The following TRAPPC9 variants were observed in gnomAD, a reference collection of about 807,000 sequenced individuals.
TRAPPC9 encodes trafficking protein particle complex subunit 9, also known as IKK2 binding protein.
In TRAPPC9, 83 loss-of-function variants were observed where a neutral mutation model predicts 124.0. That is an observed-to-expected ratio of 0.67 (90% CI 0.56 to 0.80). The LOEUF (loss-of-function observed/expected upper bound fraction) is 0.80, where lower values mean the gene tolerates loss of function less well. Ranked by LOEUF, TRAPPC9 falls within the 30% of genes least tolerant of loss-of-function variation. The pLI is 0.00. For missense variants in TRAPPC9, 1,302 were observed against 1,508.3 expected (o/e 0.86, Z 2.27); for synonymous variants, 638 against 617.5 (o/e 1.03, Z -0.49).
chr8:140,319,984 T>C (rs1338766248), intron 9 of TRAPPC9, among the ~76,000 whole-genome samples: 1 of 152,172 alleles, frequency 6.6e-6, no homozygotes, highest in African/African-American at 2.4e-5. Flanking sequence ...TCAGTTATGG[T>C]ACTCTGAACA....
intron 8 of TRAPPC9, among the ~76,000 whole-genome samples, chr8:140,361,304 G>A (rs760999614): frequency 1.3e-4 from 20 of 152,220 alleles, no homozygotes; most frequent in Non-Finnish European, 2.9e-4. Flanking sequence ...CCTCAGCCCT[G>A]GGAAACAGCA....
At chr8:139,738,547 C>T (rs369019168) in intron 21 of TRAPPC9, among the ~76,000 whole-genome samples, 7 of 152,316 alleles carry the variant, frequency 4.6e-5, no homozygotes, top group South Asian at 2.1e-4. Context: ...GCTATGAAGA[C>T]GGGGGAAGGC....
At chr8:139,784,608 C>CACATAT (rs1554643614) in intron 21 of TRAPPC9, among the ~76,000 whole-genome samples, 1 of 88,678 alleles carries the variant, frequency 1.1e-5, no homozygotes, top group Non-Finnish European at 2.3e-5. Flanking sequence ...AAAAGACTGA[C>CACATAT]ATATATATAT....
chr8:139,836,622 C>A (rs986161089), intron 21 of TRAPPC9, among the ~76,000 whole-genome samples: 1 of 152,176 alleles, frequency 6.6e-6, no homozygotes, highest in African/African-American at 2.4e-5. Flanking sequence ...CATCCCAAGT[C>A]CAAAAAGAAC....
At chr8:140,243,893 C>A (rs371589969) in intron 16 of TRAPPC9, among the ~76,000 whole-genome samples, 13 of 152,232 alleles carry the variant, frequency 8.5e-5, no homozygotes, top group African/African-American at 3.1e-4. Context: ...GGAACTGAGC[C>A]GCACAGCAGG....
chr8:140,401,520 T>C (rs559194302), intron 6 of TRAPPC9, among the ~76,000 whole-genome samples: 60 of 152,334 alleles, frequency 3.9e-4, no homozygotes, highest in Non-Finnish European at 7.6e-4. Context: ...TAAAACAGTT[T>C]CTATTGACGT....
chr8:139,984,409 C>A lies in TRAPPC9; in HGVS notation c.2810+4317G>T, dbSNP rs577624746. Among the ~76,000 whole-genome samples the A allele has an allele frequency of 2.0e-5, 3 of 151,382 alleles. No individual in the cohort carries two copies. The highest frequency in any genetic ancestry group is 2.9e-5 in the Non-Finnish European group (2 of 67,822). On this transcript the variant is annotated intron_variant, in intron 19 of 22. Transcript: ENST00000438773. The surrounding 1 kb of genome is among the most constrained non-coding windows in gnomAD (Gnocchi z 4.3). ...GCCCTCCCCACTCCAGAGGGCAGATCGCAGGCAAAAGAAGCTTCTTTAGGT... is the reference window on the plus strand; with the variant it reads ...GCCCTCCCCACTCCAGAGGGCAGATAGCAGGCAAAAGAAGCTTCTTTAGGT...
chr8:139,749,619 GGGTC>G (rs1819181196), intron 21 of TRAPPC9, among the ~76,000 whole-genome samples: 1 of 152,184 alleles, frequency 6.6e-6, no homozygotes, highest in African/African-American at 2.4e-5. Flanking sequence ...GCCTGGTGCT[GGGTC>G]AGTGCTTACG....
intron 5 of TRAPPC9, among the ~76,000 whole-genome samples, chr8:140,408,285 AG>A (rs2069569079): frequency 1.3e-5 from 2 of 152,014 alleles, no homozygotes; most frequent in Admixed American, 6.6e-5. Context: ...AGTCACGGGG[AG>A]GGGGGAAGGT....
intron 15 of TRAPPC9, among the ~76,000 whole-genome samples, chr8:140,272,277 C>T (rs944498499): frequency 4.9e-5 from 6 of 123,420 alleles, no homozygotes; most frequent in Admixed American, 1.6e-4. Flanking sequence ...GTGGTGGTGA[C>T]GATGGTGGTG....
intron 17 of TRAPPC9, among the ~76,000 whole-genome samples, chr8:140,215,747 C>T (rs115657114): frequency 6.6e-6 from 1 of 152,100 alleles, no homozygotes; most frequent in Non-Finnish European, 1.5e-5. Flanking sequence ...CGCTTCCCCA[C>T]TCACCTCATA....
At chr8:140,220,834 G>A (rs558769833) in intron 17 of TRAPPC9, among the ~76,000 whole-genome samples, 2 of 152,230 alleles carry the variant, frequency 1.3e-5, no homozygotes, top group Admixed American at 6.5e-5. Context: ...ATTGCCGCCT[G>A]CAGCCCAGTC....
chr8:140,190,471 C>T (rs1009933755), intron 17 of TRAPPC9, among the ~76,000 whole-genome samples: 6 of 151,972 alleles, frequency 3.9e-5, no homozygotes, highest in African/African-American at 1.4e-4. Flanking sequence ...AGAGCAGCAA[C>T]AACAACAACA....
At chr8:140,198,036 T>C (rs571155291) in intron 17 of TRAPPC9, among the ~76,000 whole-genome samples, 2 of 152,336 alleles carry the variant, frequency 1.3e-5, no homozygotes, top group African/African-American at 4.8e-5. Context: ...GGAAACTGTC[T>C]CTGCTTCCTC....
chr8:139,933,652 G>A (rs12681787), intron 19 of TRAPPC9: 30,070 of 152,204 alleles, frequency 0.2, 3,172 homozygotes, highest in East Asian at 0.39. Context: ...ACCCAAACTC[G>A]ACTCTTCTAC....
intron 18 of TRAPPC9, among the ~76,000 whole-genome samples, chr8:139,996,176 A>AAAAAAAAG (rs1563675087): frequency 6.9e-6 from 1 of 144,912 alleles, no homozygotes; most frequent in Non-Finnish European, 1.5e-5. Context: ...AAAAAAAAAA[A>AAAAAAAAG]AAAAAAGAAA....
chr8:140,406,708 C>T (rs997621784), intron 5 of TRAPPC9, among the ~76,000 whole-genome samples: 5 of 152,094 alleles, frequency 3.3e-5, no homozygotes, highest in East Asian at 3.8e-4. Context: ...AAAAGGAGAA[C>T]GAAGCATTTC....
chr8:140,120,694 CATCCAACATCCATCCA>C (rs1448065241), intron 17 of TRAPPC9, among the ~76,000 whole-genome samples: 3 of 151,124 alleles, frequency 2.0e-5, no homozygotes, highest in African/African-American at 7.3e-5. Flanking sequence ...TCCATCCATC[CATCCAACATCCATCCA>C]ACAACCGTCC....
intron 10 of TRAPPC9, among the ~76,000 whole-genome samples, chr8:140,301,686 A>AC (rs1588122103): frequency 1.3e-5 from 2 of 151,894 alleles, no homozygotes; most frequent in East Asian, 3.9e-4. Flanking sequence ...CGTGCTCCCC[A>AC]CCCCCCGCCT....
Sources: gnomAD v4.1 joint callset for allele counts (sites outside exome capture counted in the v4.1 genomes callset) on GRCh38, gnomAD v4.1.1 for gene constraint, Gnocchi (gnomAD v3.1) non-coding constraint, MANE v1.5 for transcripts, NCBI Gene and HGNC (gene_info 2026-07-23, HGNC 2026-07-21) for gene names.